SMOC1: variants seen among roughly 807,000 people sequenced by gnomAD.
SMOC1 encodes SPARC related modular calcium binding 1, also known as SPARC-related modular calcium-binding protein 1.
In SMOC1, 22 loss-of-function variants were observed where a neutral mutation model predicts 56.3. That is an observed-to-expected ratio of 0.39 (90% CI 0.28 to 0.56). The LOEUF is 0.56. Among genes scored for constraint, SMOC1 ranks in the 20% least tolerant of loss-of-function variants. SMOC1 has a pLI of 0.61. For synonymous variants in SMOC1, 193 were observed against 215.0 expected, an observed-to-expected ratio of 0.90 and a Z score of 0.89; for missense variants, 509 against 565.4, an observed-to-expected ratio of 0.90 and a Z score of 1.01.
At chr14:69,940,555 G>A (rs1345351415) in intron 1 of SMOC1, among the ~76,000 whole-genome samples, 3 of 152,178 alleles carry the variant, frequency 2.0e-5, no homozygotes, top group African/African-American at 7.2e-5. Context: ...CCTATCAGAT[G>A]TGTGTGTCAT....
chr14:69,976,326 A>G (rs2139504654), intron 4 of SMOC1, among the ~76,000 whole-genome samples: 1 of 152,284 alleles, frequency 6.6e-6, no homozygotes, highest in South Asian at 2.1e-4. Flanking sequence ...TGGCCCTTAA[A>G]TCTGACTGAT....
At chr14:69,963,997 C>T (rs1206810039) in intron 3 of SMOC1, among the ~76,000 whole-genome samples, 2 of 152,196 alleles carry the variant, frequency 1.3e-5, no homozygotes, top group African/African-American at 4.8e-5. Context: ...AGAACACTGT[C>T]TCCATTGTGC....
intron 1 of SMOC1, among the ~76,000 whole-genome samples, chr14:69,900,033 T>G (rs1884201566): frequency 6.6e-6 from 1 of 152,328 alleles, no homozygotes; most frequent in South Asian, 2.1e-4. Flanking sequence ...GCTTCTTACA[T>G]ACTCGCCATA....
intron 3 of SMOC1, among the ~76,000 whole-genome samples, chr14:69,964,037 G>C (rs963056806): frequency 6.6e-6 from 1 of 152,186 alleles, no homozygotes; most frequent in African/African-American, 2.4e-5. Flanking sequence ...CCCACTCTCT[G>C]CTCTGTCCTG....
chr14:69,941,582 A>C (rs752856463), intron 1 of SMOC1, among the ~76,000 whole-genome samples: 18 of 152,140 alleles, frequency 1.2e-4, no homozygotes, highest in Non-Finnish European at 2.5e-4. Context: ...ACCCTTGCCA[A>C]AGATTTCCAA....
chr14:70,027,861 T>C (rs1444462406), intron 11 of SMOC1, among the ~76,000 whole-genome samples: 1 of 151,900 alleles, frequency 6.6e-6, no homozygotes, highest in African/African-American at 2.4e-5. Context: ...GGAAAGAAGG[T>C]ATGAGTTTCA....
chr14:70,006,517 G>T (rs1313786615), intron 7 of SMOC1, among the ~76,000 whole-genome samples: 1 of 152,190 alleles, frequency 6.6e-6, no homozygotes, highest in Non-Finnish European at 1.5e-5. Context: ...TGACTGAAGG[G>T]CTTACAGGGC....
intron 1 of SMOC1, among the ~76,000 whole-genome samples, chr14:69,943,298 T>C (rs1469591074): frequency 6.6e-6 from 1 of 152,214 alleles, no homozygotes; most frequent in Non-Finnish European, 1.5e-5. Flanking sequence ...TTGACCTCCC[T>C]TATCTTCCCT....
chr14:69,911,595 A>G (rs1210545972), intron 1 of SMOC1, among the ~76,000 whole-genome samples: 1 of 152,220 alleles, frequency 6.6e-6, no homozygotes, highest in Non-Finnish European at 1.5e-5. Flanking sequence ...AGGATGTTAC[A>G]TAAGTGGAAT....
chr14:70,015,939 G>GA (rs988206088), intron 10 of SMOC1, among the ~76,000 whole-genome samples: 103 of 152,028 alleles, frequency 6.8e-4, no homozygotes, highest in African/African-American at 2.2e-3. Flanking sequence ...AGGGAAAAAG[G>GA]AAAAAAAAGG....
intron 3 of SMOC1, among the ~76,000 whole-genome samples, chr14:69,960,246 T>A (rs1027249005): frequency 6.6e-6 from 1 of 152,192 alleles, no homozygotes; most frequent in African/African-American, 2.4e-5. Context: ...TGTCTTCATG[T>A]GGATATATCT....
intron 1 of SMOC1, among the ~76,000 whole-genome samples, chr14:69,894,214 T>C (rs1178449955): frequency 6.6e-6 from 1 of 152,176 alleles, no homozygotes; most frequent in Admixed American, 6.5e-5. Flanking sequence ...CCCTCTGCCT[T>C]GTGTGGTGCA....
At chr14:69,937,337 G>A (rs531399351) in intron 1 of SMOC1, among the ~76,000 whole-genome samples, 70 of 152,286 alleles carry the variant, frequency 4.6e-4, no homozygotes, top group African/African-American at 1.4e-3. Context: ...AAAGATCCTC[G>A]TAGTCAAATA....
chr14:69,944,554 G>A (rs1273234782), intron 1 of SMOC1, among the ~76,000 whole-genome samples: 1 of 152,096 alleles, frequency 6.6e-6, no homozygotes, highest in East Asian at 1.9e-4. Context: ...AATGAATTTA[G>A]GGTGTCAAAA....
intron 1 of SMOC1, among the ~76,000 whole-genome samples, chr14:69,933,779 T>C (rs927522534): frequency 2.0e-5 from 3 of 152,136 alleles, no homozygotes; most frequent in Admixed American, 1.3e-4. Flanking sequence ...CAGCCTCCCA[T>C]AGTGCTGGAA....
chr14:69,952,328 C>A (rs777770391), intron 2 of SMOC1, 25 bp downstream of exon 2: 1 of 1,613,058 alleles, frequency 6.2e-7, no homozygotes, highest in Non-Finnish European at 8.5e-7. Context: ...CCCTGCCCAG[C>A]CAAGGAGAGG....
intron 4 of SMOC1, 21 bp from the exon 5 acceptor site, chr14:69,977,897 T>C (rs1461674199): frequency 1.2e-6 from 2 of 1,612,944 alleles, no homozygotes; most frequent in Admixed American, 3.3e-5. Flanking sequence ...GGCTATGTTT[T>C]TGTTTCCCTT....
At chr14:69,936,267 T>G (rs1885293263) in intron 1 of SMOC1, among the ~76,000 whole-genome samples, 1 of 152,196 alleles carries the variant, frequency 6.6e-6, no homozygotes, top group Non-Finnish European at 1.5e-5. Context: ...ACATTAGAGT[T>G]CATCCCAACT....
chr14:69,995,977 A>G (rs1211893316), intron 7 of SMOC1, among the ~76,000 whole-genome samples: 1 of 152,130 alleles, frequency 6.6e-6, no homozygotes, highest in Non-Finnish European at 1.5e-5. Context: ...GCCGGAAGTA[A>G]CATTTGCAAC....
Sources: allele counts gnomAD v4.1 joint callset (sites outside exome capture counted in the v4.1 genomes callset), GRCh38; gene constraint gnomAD v4.1.1; transcripts MANE v1.5; gene names NCBI Gene and HGNC (gene_info 2026-07-23, HGNC 2026-07-21).